TK2: variants seen among roughly 807,000 people sequenced by gnomAD.
TK2 encodes the protein thymidine kinase 2.
TK2 carries 35 observed loss-of-function variants against 41.9 expected under a neutral mutation model. The ratio of observed to expected loss-of-function variants is 0.84; its 90% CI spans 0.64 to 1.11. The LOEUF (loss-of-function observed/expected upper bound fraction) is 1.11, where lower values mean the gene tolerates loss of function less well. Among genes scored for constraint, TK2 ranks in the 50% least tolerant of loss-of-function variants. TK2 has a pLI of 0.00. For synonymous variants in TK2, 128 were observed against 129.1 expected (o/e 0.99, Z 0.06); for missense variants, 320 against 351.1 (o/e 0.91, Z 0.71).
rs3743715 is a variant in TK2 at position 66,550,091 on chromosome 16, G to C, written c.-30C>G. 0.043 allele frequency: 69,387 copies of C among 1,604,714 alleles called. 3,109 individuals carry two copies. Among genetic ancestry groups the C allele is most frequent in the Admixed American group, 0.18 (10,391 of 58,296 alleles). On this transcript the variant is annotated 5_prime_UTR_variant, in exon 1 of 10. Transcript: ENST00000544898. ...GGGCGAGCGGATCCAGAGGCCCGGG[G>C]TTCCTTCTTGTGCGAGTCGGCGCGG...
chr16:66,531,544 A>C, intron 4 of TK2, 75 bp from the exon 5 acceptor site: 1 of 1,429,106 alleles, frequency 7.0e-7, no homozygotes, highest in South Asian at 1.2e-5. Flanking sequence ...AAGGCACTGA[A>C]GGACAGCTCA....
At position 66,517,390 on chromosome 16, in the gene TK2, G is replaced by C; in HGVS notation, c.539-175C>G. ...CGACTTTCATTCTCTTTCAGTGTCAGCGGCCCCGTGGGGTCGTTTTGAGGC... is the reference window on the plus strand; with the variant it reads ...CGACTTTCATTCTCTTTCAGTGTCACCGGCCCCGTGGGGTCGTTTTGAGGC... On this transcript the variant is annotated intron_variant, in intron 7 of 9. Transcript: ENST00000544898. The surrounding 1 kb of genome is among the most constrained non-coding windows in gnomAD (Gnocchi z 4.3). 1.4e-6 allele frequency: 1 copy of C among 709,272 alleles called. No homozygotes were observed. Among genetic ancestry groups the C allele is most frequent in the South Asian group, 1.5e-5 (1 of 67,516 alleles). 43.9% of individuals were successfully genotyped at this position (709,272 alleles called of 1,614,324 possible). A position where few individuals can be genotyped will look rare whatever the true frequency, so the allele number is the denominator to read the frequency against.
intron 2 of TK2, among the ~76,000 whole-genome samples, chr16:66,548,230 A>AG (rs1252332688): frequency 2.0e-5 from 3 of 152,052 alleles, no homozygotes; most frequent in Non-Finnish European, 2.9e-5. Flanking sequence ...CTACTTCCCA[A>AG]GAGCTCTCCA....
intron 3 of TK2, among the ~76,000 whole-genome samples, chr16:66,537,979 A>G (rs1002802194): frequency 1.2e-4 from 19 of 152,292 alleles, no homozygotes; most frequent in African/African-American, 4.3e-4. Context: ...CCTGGCCAAC[A>G]TGGTGAAACC....
intron 2 of TK2, among the ~76,000 whole-genome samples, chr16:66,542,278 G>T (rs764373162): frequency 1.3e-5 from 2 of 152,104 alleles, no homozygotes; most frequent in South Asian, 2.1e-4. Context: ...TTAGATTTTA[G>T]GCCTAAGTGT....
chr16:66,550,083 G>A lies in TK2; in HGVS notation c.-22C>T. ...GCATAGCCGGGCGAGCGGATCCAGA[G>A]GCCCGGGGTTCCTTCTTGTGCGAGT... is the stretch of plus-strand genomic sequence containing the variant. On this transcript the variant is annotated 5_prime_UTR_variant, in exon 1 of 10. Coordinates refer to ENST00000544898, the MANE Select transcript of TK2 (RefSeq NM_004614.5). 1.2e-6 allele frequency: 2 copies of A among 1,600,836 alleles called. No individual in the cohort carries two copies. Among genetic ancestry groups the A allele is most frequent in the South Asian group, 1.1e-5 (1 of 89,082 alleles).
At position 66,545,652 on chromosome 16, in the gene TK2, C is replaced by T. The variant is rs578192835; in HGVS notation, c.156+3326G>A. Among the ~76,000 whole-genome samples, 18 of 152,132 alleles carry T rather than the reference C, an allele frequency of 1.2e-4. No homozygotes were observed. The South Asian group carries it at 2.5e-3, about 21-fold the overall frequency. ...CAGCCTGGCTAACGTGGTGAAACCC[C>T]GACTCTACTAAAAATACAAAAATTA... On this transcript the variant is annotated intron_variant, in intron 2 of 9. Coordinates refer to ENST00000544898, the MANE Select transcript of TK2 (RefSeq NM_004614.5).
intron 4 of TK2, among the ~76,000 whole-genome samples, chr16:66,532,948 T>G (rs779304790): frequency 4.5e-4 from 68 of 152,046 alleles, no homozygotes; most frequent in Non-Finnish European, 6.8e-4. Flanking sequence ...AAAAACAAAG[T>G]TGGAGGCATC....
intron 4 of TK2, among the ~76,000 whole-genome samples, chr16:66,533,048 C>T (rs919349450): frequency 4.0e-5 from 6 of 150,082 alleles, no homozygotes; most frequent in Non-Finnish European, 7.4e-5. Flanking sequence ...TTTCTCCACA[C>T]CTATCACCTG....
intron 6 of TK2, among the ~76,000 whole-genome samples, chr16:66,524,095 T>G (rs1434647111): frequency 2.6e-5 from 4 of 152,042 alleles, no homozygotes; most frequent in Non-Finnish European, 4.4e-5. Context: ...AACCCAAATA[T>G]GAAGCAACAA....
intron 8 of TK2, among the ~76,000 whole-genome samples, chr16:66,516,590 A>G (rs1480369259): frequency 3.9e-5 from 6 of 152,204 alleles, no homozygotes; most frequent in Non-Finnish European, 5.9e-5. Flanking sequence ...CGAGATGCAC[A>G]GCCCGGGCCT....
At chr16:66,525,309 G>A (rs2144385609) in intron 6 of TK2, among the ~76,000 whole-genome samples, 1 of 152,342 alleles carries the variant, frequency 6.6e-6, no homozygotes, top group East Asian at 1.9e-4. Flanking sequence ...GCAAAGCATG[G>A]TGTTTAATAC....
chr16:66,525,508 A>AGACCAGCAGG (rs1567530498), intron 6 of TK2, among the ~76,000 whole-genome samples: 2 of 152,358 alleles, frequency 1.3e-5, no homozygotes, highest in Non-Finnish European at 2.9e-5. Flanking sequence ...ATGAGGAAGC[A>AGACCAGCAGG]GTGCTGTGGG....
In TK2 at chr16:66,549,566, C is replaced by T. The variant is rs554176361; in HGVS notation, c.124+372G>A. The T allele has an allele frequency of 9.8e-5, 105 of 1,075,100 alleles. No individual in the cohort carries two copies. The South Asian group carries it at 3.8e-3, about 39-fold the overall frequency. The allele number at this position is 1,075,100 out of a possible 1,614,324, so 66.6% of individuals were successfully genotyped here. A position where few individuals can be genotyped will look rare whatever the true frequency, so the allele number is the denominator to read the frequency against. ...CGCCGGGGGCGTAACCCCCCTCCCC[C>T]ACGCTGGCACCAGAGTGTGAGCAGA... On this transcript the variant is annotated intron_variant, in intron 1 of 9. Transcript: ENST00000544898.
intron 2 of TK2, among the ~76,000 whole-genome samples, chr16:66,548,342 A>C (rs1387041794): frequency 6.6e-6 from 1 of 152,008 alleles, no homozygotes; most frequent in Admixed American, 6.6e-5. Flanking sequence ...CTTCCCAGCC[A>C]CTGGAGCTAG....
intron 5 of TK2, among the ~76,000 whole-genome samples, chr16:66,530,734 T>C (rs1965084234): frequency 6.6e-6 from 1 of 151,780 alleles, no homozygotes; most frequent in South Asian, 2.1e-4. Context: ...TTTTTTTTTT[T>C]TGAGACAGAG....
intron 4 of TK2, among the ~76,000 whole-genome samples, chr16:66,535,440 C>G (rs1051924041): frequency 6.6e-6 from 1 of 152,172 alleles, no homozygotes; most frequent in African/African-American, 2.4e-5. Flanking sequence ...ATGAATGTTA[C>G]AGAGGTTTCT....
intron 1 of TK2, 114 bp from the exon 2 acceptor site, chr16:66,549,123 A>C (rs895756577): frequency 6.4e-7 from 1 of 1,562,198 alleles, no homozygotes. Flanking sequence ...CTGGCCTAAA[A>C]ACATTTTCCA....
intron 9 of TK2, among the ~76,000 whole-genome samples, chr16:66,512,706 C>A (rs1322120204): frequency 1.3e-5 from 2 of 152,162 alleles, no homozygotes; most frequent in African/African-American, 2.4e-5. Context: ...TCATTTGAAC[C>A]CAGGAGGCAG....
Sources: allele counts gnomAD v4.1 joint callset (sites outside exome capture counted in the v4.1 genomes callset), GRCh38; gene constraint gnomAD v4.1.1; non-coding constraint Gnocchi (gnomAD v3.1); transcripts MANE v1.5; gene names NCBI Gene and HGNC (gene_info 2026-07-23, HGNC 2026-07-21).